Variants in ROBO2 observed in about 807,000 individuals in gnomAD.
The protein encoded by ROBO2 is roundabout guidance receptor 2, also known as roundabout homolog 2.
A neutral mutation model predicts 160.8 loss-of-function variants in ROBO2; 53 were observed. The ratio of observed to expected loss-of-function variants is 0.33; its 90% CI spans 0.26 to 0.41. The LOEUF is 0.41. ROBO2 is among the 10% of genes least tolerant of loss of function. ROBO2 has a pLI of 1.00. For missense variants in ROBO2, 1,577 were observed against 1,722.4 expected, an observed-to-expected ratio of 0.92 and a Z score of 1.49; for synonymous variants, 664 against 611.7, an observed-to-expected ratio of 1.09 and a Z score of -1.26.
At chr3:77,013,759 G>T (rs2062057387) in intron 2 of ROBO2, among the ~76,000 whole-genome samples, 1 of 152,192 alleles carries the variant, frequency 6.6e-6, no homozygotes, top group South Asian at 2.1e-4. Context: ...AGGAGGTGTA[G>T]TTAGAAATGG....
chr3:77,460,402 C>G (rs752731559), intron 2 of ROBO2, among the ~76,000 whole-genome samples: 4 of 152,050 alleles, frequency 2.6e-5, no homozygotes, highest in Non-Finnish European at 4.4e-5. Context: ...CAGGTGGACA[C>G]AAGACTGAAG....
chr3:76,433,955 A>T, intron 2 of ROBO2: 1 of 741,592 alleles, frequency 1.3e-6, no homozygotes. Flanking sequence ...TTCTACTCCA[A>T]TACAATCTAG....
intron 2 of ROBO2, among the ~76,000 whole-genome samples, chr3:76,863,832 CTT>C (rs1171180578): frequency 6.6e-6 from 1 of 152,010 alleles, no homozygotes; most frequent in Admixed American, 6.6e-5. Context: ...CAATGATAAA[CTT>C]TATCTCAATC....
intron 2 of ROBO2, among the ~76,000 whole-genome samples, chr3:76,080,941 A>G (rs1202198136): frequency 6.6e-6 from 1 of 152,102 alleles, no homozygotes; most frequent in African/African-American, 2.4e-5. Flanking sequence ...ATATTCCTTT[A>G]TAAAAATATT....
chr3:76,267,252 G>A (rs1303041791), intron 2 of ROBO2, among the ~76,000 whole-genome samples: 2 of 152,178 alleles, frequency 1.3e-5, no homozygotes, highest in East Asian at 1.9e-4. Context: ...TTATTAACTT[G>A]CCTTTGGCAA....
intron 2 of ROBO2, among the ~76,000 whole-genome samples, chr3:77,020,571 T>C (rs1340815819): frequency 1.3e-5 from 2 of 152,170 alleles, no homozygotes; most frequent in African/African-American, 4.8e-5. Flanking sequence ...ATGCTGGAAG[T>C]GACCTAAATG....
chr3:76,497,951 A>T (rs1052416650), intron 2 of ROBO2, among the ~76,000 whole-genome samples: 1 of 152,118 alleles, frequency 6.6e-6, no homozygotes, highest in Non-Finnish European at 1.5e-5. Context: ...ACATAAGCCA[A>T]TGCTTCTTCC....
At chr3:77,159,486 G>T (rs1439245426) in intron 2 of ROBO2, among the ~76,000 whole-genome samples, 1 of 152,110 alleles carries the variant, frequency 6.6e-6, no homozygotes, top group Non-Finnish European at 1.5e-5. Context: ...TTCCATAGTG[G>T]ATTTCCACAA....
chr3:76,969,461 A>T (rs2059464985), intron 2 of ROBO2, among the ~76,000 whole-genome samples: 1 of 152,120 alleles, frequency 6.6e-6, no homozygotes. Flanking sequence ...ATTTCTAGGG[A>T]ATGTGATGTA....
chr3:77,157,455 G>A (rs553291219), intron 2 of ROBO2, among the ~76,000 whole-genome samples: 81 of 152,054 alleles, frequency 5.3e-4, no homozygotes, highest in Middle Eastern at 3.4e-3. Context: ...GAATTTCCAA[G>A]GAAAGAAACT....
rs115548432 is a variant in ROBO2, at chr3:75,987,213, G to A, written c.109+49611G>A. The stretch of plus-strand genomic sequence containing the variant: ...ACACATGGACATGGAATATCTTTCC[G>A]TTTATTAATGTCTTCCATAGTTTTC... On this transcript the variant is annotated intron_variant, in intron 2 of 26. Transcript: ENST00000487694. Among the ~76,000 whole-genome samples, 817 of 151,894 alleles carry A rather than the reference G, an allele frequency of 5.4e-3. 9 individuals carry two copies. The highest frequency in any genetic ancestry group is 0.018 in the African/African-American group (765 of 41,496).
chr3:75,914,908 G>A (rs1213143975), intron 1 of ROBO2, among the ~76,000 whole-genome samples: 1 of 152,154 alleles, frequency 6.6e-6, no homozygotes, highest in African/African-American at 2.4e-5. Flanking sequence ...GATAGGCTGC[G>A]TGTACATGTG....
At chr3:76,246,893 A>G (rs150280537) in intron 2 of ROBO2, among the ~76,000 whole-genome samples, 354 of 152,252 alleles carry the variant, frequency 2.3e-3, no homozygotes, top group African/African-American at 8.0e-3. Flanking sequence ...GAACTTTGGA[A>G]TTAGGAACAC....
At chr3:76,698,477 G>A (rs550966100) in intron 2 of ROBO2, among the ~76,000 whole-genome samples, 1 of 152,120 alleles carries the variant, frequency 6.6e-6, no homozygotes, top group South Asian at 2.1e-4. Context: ...TCAAGCTACC[G>A]ACCTGATGGT....
At chr3:76,218,945 A>G (rs528669565) in intron 2 of ROBO2, among the ~76,000 whole-genome samples, 56 of 152,260 alleles carry the variant, frequency 3.7e-4, no homozygotes, top group African/African-American at 1.3e-3. Context: ...AAGCAGCATG[A>G]TACTGGTACC....
At chr3:77,437,157 G>A (rs2079378593) in intron 2 of ROBO2, among the ~76,000 whole-genome samples, 1 of 151,890 alleles carries the variant, frequency 6.6e-6, no homozygotes, top group Non-Finnish European at 1.5e-5. Context: ...CACTAAAGTG[G>A]AACCACCCTG....
chr3:76,241,889 G>A (rs1705311124), intron 2 of ROBO2, among the ~76,000 whole-genome samples: 1 of 152,054 alleles, frequency 6.6e-6, no homozygotes, highest in African/African-American at 2.4e-5. Context: ...TTTCATGATG[G>A]AATTGTGAAT....
At chr3:77,581,862 G>A (rs2093927037) in intron 16 of ROBO2, among the ~76,000 whole-genome samples, 1 of 151,898 alleles carries the variant, frequency 6.6e-6, no homozygotes, top group African/African-American at 2.4e-5. Context: ...TTGTAATTAT[G>A]GATTTATGTA....
rs186263526 is a variant in ROBO2 at position 76,621,755 on chromosome 3, G to A, written c.110-476259G>A. Among the ~76,000 whole-genome samples, 69 of 152,214 alleles carry A rather than the reference G, an allele frequency of 4.5e-4. 1 individual carries two copies. The East Asian group carries it at 0.013, about 29-fold the overall frequency. On this transcript the variant is annotated intron_variant, in intron 2 of 26. Coordinates refer to the ROBO2 transcript ENST00000487694. Reference sequence around the variant, plus strand: ...TTACTGCTATTAGTTTTAATTCAGGGAGATTTTAAAAATAAAATTATTTTA... The same window carrying A: ...TTACTGCTATTAGTTTTAATTCAGGAAGATTTTAAAAATAAAATTATTTTA...
Sources: allele counts gnomAD v4.1 joint callset (sites outside exome capture counted in the v4.1 genomes callset), GRCh38; gene constraint gnomAD v4.1.1; transcripts MANE v1.5; gene names NCBI Gene and HGNC (gene_info 2026-07-23, HGNC 2026-07-21).